Variants in TMEM217B observed in about 807,000 individuals in gnomAD.
TMEM217B encodes putative transmembrane protein 217B.
At chr6:37,222,795 T>G in the TMEM217B span, among the ~76,000 whole-genome samples, 1 of 152,182 alleles carries the variant, frequency 6.6e-6, no homozygotes, top group African/African-American at 2.4e-5. Flanking sequence ...TAGCACCCGG[T>G]GAGTTCCCGA....
the TMEM217B span, chr6:37,217,719 C>T: frequency 1.0e-6 from 1 of 985,308 alleles, no homozygotes; most frequent in South Asian, 4.7e-5. Context: ...AGCACAAACC[C>T]ACCCCAGGGC....
chr6:37,247,576 T>G, the TMEM217B span, among the ~76,000 whole-genome samples: 3 of 152,090 alleles, frequency 2.0e-5, no homozygotes, highest in Admixed American at 2.0e-4. Flanking sequence ...TTGGTAGAGA[T>G]GGGGTTTCAC....
chr6:37,244,559 T>TCA, the TMEM217B span, among the ~76,000 whole-genome samples: 1 of 152,212 alleles, frequency 6.6e-6, no homozygotes, highest in Non-Finnish European at 1.5e-5. Context: ...TCTTTCTCTG[T>TCA]GTAAGTCAGA....
the TMEM217B span, chr6:37,218,255 C>A: frequency 7.8e-7 from 1 of 1,286,696 alleles, no homozygotes; most frequent in Non-Finnish European, 1.0e-6. Flanking sequence ...CTGCAACCTC[C>A]ACCTCCCAGG....
the TMEM217B span, among the ~76,000 whole-genome samples, chr6:37,236,985 C>T: frequency 6.6e-6 from 1 of 152,192 alleles, no homozygotes; most frequent in African/African-American, 2.4e-5. Flanking sequence ...GGCTCCTTCA[C>T]AGCCTGATGA....
the TMEM217B span, among the ~76,000 whole-genome samples, chr6:37,223,116 AAGG>A: frequency 4.1e-4 from 63 of 152,342 alleles, no homozygotes; most frequent in African/African-American, 1.3e-3. Flanking sequence ...GGAAAATATG[AAGG>A]AGAAGTTAAG....
the TMEM217B span, among the ~76,000 whole-genome samples, chr6:37,217,202 G>C: frequency 1.3e-5 from 2 of 152,202 alleles, no homozygotes; most frequent in African/African-American, 4.8e-5. Context: ...GCTGAAGCTG[G>C]AGAATCGCTT....
the TMEM217B span, chr6:37,257,885 G>T: frequency 1.2e-6 from 2 of 1,609,946 alleles, no homozygotes; most frequent in Non-Finnish European, 1.7e-6. Flanking sequence ...CAAACCCTTG[G>T]CCCGCCTACA....
chr6:37,215,193 C>A, the TMEM217B span: 31 of 1,613,380 alleles, frequency 1.9e-5, 1 homozygote, highest in South Asian at 2.9e-4. Flanking sequence ...TCATTCAATA[C>A]TCACTCAGCA....
At chr6:37,212,850 G>T in the TMEM217B span, 1 of 1,257,868 alleles carries the variant, frequency 7.9e-7, no homozygotes, top group African/African-American at 1.5e-5. Flanking sequence ...AGTCCACGTA[G>T]ATGCTGAACT....
chr6:37,241,826 G>A, the TMEM217B span, among the ~76,000 whole-genome samples: 1 of 152,076 alleles, frequency 6.6e-6, no homozygotes, highest in African/African-American at 2.4e-5. Flanking sequence ...AAAAGTTATT[G>A]AGATAATTTA....
At chr6:37,215,992 A>AGG in the TMEM217B span, among the ~76,000 whole-genome samples, 1 of 92,454 alleles carries the variant, frequency 1.1e-5, no homozygotes, top group Non-Finnish European at 2.2e-5. Context: ...GAGGTTCTTC[A>AGG]GGGTGTGTGT....
chr6:37,212,408 G>T, the TMEM217B span: 2 of 401,370 alleles, frequency 5.0e-6, no homozygotes, highest in South Asian at 3.7e-5. Context: ...CTGGCATCTG[G>T]CATGGTTCAG....
the TMEM217B span, among the ~76,000 whole-genome samples, chr6:37,237,878 A>G: frequency 3.3e-5 from 5 of 152,340 alleles, no homozygotes; most frequent in East Asian, 9.6e-4. Flanking sequence ...CTAAAACTGT[A>G]TGAAAAGCAA....
At chr6:37,215,211 A>G in the TMEM217B span, 30 of 1,613,758 alleles carry the variant, frequency 1.9e-5, no homozygotes, top group Admixed American at 1.2e-4. Context: ...GCAGACATCT[A>G]TTGTGTATCT....
the TMEM217B span, among the ~76,000 whole-genome samples, chr6:37,245,351 A>C: frequency 2.0e-5 from 3 of 152,250 alleles, no homozygotes; most frequent in Non-Finnish European, 4.4e-5. Flanking sequence ...TGCTGTTGCC[A>C]CAGCTATTCT....
chr6:37,243,722 C>T, the TMEM217B span, among the ~76,000 whole-genome samples: 3 of 152,178 alleles, frequency 2.0e-5, no homozygotes, highest in Admixed American at 2.0e-4. Context: ...CCTCAGCATC[C>T]CAACTAGCTG....
the TMEM217B span, among the ~76,000 whole-genome samples, chr6:37,236,630 T>C: frequency 1.3e-5 from 2 of 151,750 alleles, no homozygotes; most frequent in East Asian, 3.9e-4. Context: ...AAGTCTCAGT[T>C]TGCTCATCTT....
the TMEM217B span, among the ~76,000 whole-genome samples, chr6:37,225,881 C>CT: frequency 0.014 from 2,113 of 152,326 alleles, 48 homozygotes; most frequent in African/African-American, 0.047. Context: ...CACCTTCTCC[C>CT]TTTCCCCCTT....
Sources: gnomAD v4.1 joint callset for allele counts (sites outside exome capture counted in the v4.1 genomes callset) on GRCh38, gnomAD v4.1.1 for gene constraint, MANE v1.5 for transcripts, NCBI Gene and HGNC (gene_info 2026-07-23, HGNC 2026-07-21) for gene names.